Variants in ITGB8 observed in about 807,000 individuals in gnomAD.
The protein encoded by ITGB8 is integrin beta-8.
In ITGB8, 30 loss-of-function variants were observed where a neutral mutation model predicts 89.5. The observed-to-expected ratio is 0.34, with a 90% confidence interval of 0.25 to 0.45. ITGB8 has a LOEUF of 0.45. ITGB8 is among the 20% of genes least tolerant of loss of function. The probability of loss-of-function intolerance (pLI) is 1.00; values close to 1 mark genes in which losing one functional copy is unlikely to be tolerated. For synonymous variants in ITGB8, 335 were observed against 320.4 expected, an observed-to-expected ratio of 1.05 and a Z score of -0.49; for missense variants, 836 against 933.3, an observed-to-expected ratio of 0.90 and a Z score of 1.36.
Position 20,402,043 on chromosome 7 carries a change from A to G in ITGB8, c.1604A>G (p.Lys535Arg). 6.2e-7 allele frequency: 1 copy of G among 1,614,198 alleles called. No homozygotes were observed. The highest frequency in any genetic ancestry group is 8.5e-7 in the Non-Finnish European group (1 of 1,180,018). Residue 535 changes from lysine to arginine, a missense_variant, in exon 10 of 14, where the codon AAA becomes AGA. Physicochemically the swap from Lys to Arg is conservative, Grantham distance 26. Around this residue, in one of 5 missense-constraint regions of ITGB8, gnomAD observed 422 missense variants for 416.9 expected, o/e 1.01. Coordinates refer to ENST00000222573, the MANE Select transcript of ITGB8 (RefSeq NM_002214.3). The part of the protein sequence containing the change: ...VCVCGKCSCH[K>R]IKLGKVYGKY... Reference sequence around the variant, plus strand: ...GTTTGTGGGAAATGTTCATGTCACAAAATTAAGCTTGGAAAAGTGTATGGA... The same window carrying G: ...GTTTGTGGGAAATGTTCATGTCACAGAATTAAGCTTGGAAAAGTGTATGGA...
intron 1 of ITGB8, among the ~76,000 whole-genome samples, chr7:20,358,927 T>C (rs1785396863): frequency 6.6e-6 from 1 of 152,202 alleles, no homozygotes; most frequent in Admixed American, 6.5e-5. Flanking sequence ...ATGTACCCAA[T>C]GTTTAGCTCT....
Position 20,331,818 on chromosome 7 carries a change from G to C in ITGB8, c.12G>C (p.Ser4=), listed in dbSNP as rs777163524. Residue 4 remains serine, a synonymous_variant, in exon 1 of 14, where the codon TCG becomes TCC. Coordinates refer to ENST00000222573, the MANE Select transcript of ITGB8 (RefSeq NM_002214.3). ...GGCTGTTTTGCATTATGTGCGGCTC[G>C]GCCCTGGCTTTTTTTACCGCTGCAT... MCG[S]ALAFFTAAFV... The C allele has an allele frequency of 9.9e-6, 16 of 1,612,940 alleles. No homozygotes were observed. The South Asian group carries it at 1.6e-4, about 17-fold the overall frequency.
intron 1 of ITGB8, among the ~76,000 whole-genome samples, chr7:20,344,989 C>T (rs10950802): frequency 0.69 from 104,513 of 151,720 alleles, 37,404 homozygotes; most frequent in East Asian, 0.99. Flanking sequence ...ATTAAAGAAA[C>T]AGAATGTATA....
chr7:20,378,471 A>G (rs1034420554), intron 3 of ITGB8, among the ~76,000 whole-genome samples: 1 of 152,240 alleles, frequency 6.6e-6, no homozygotes, highest in African/African-American at 2.4e-5. Context: ...AATCTTACCA[A>G]CTAACTAGTG....
intron 2 of ITGB8, chr7:20,365,045 G>A (rs1382758669): frequency 6.6e-6 from 1 of 152,218 alleles, no homozygotes; most frequent in Non-Finnish European, 1.5e-5. Context: ...CATGTAACAT[G>A]TTAGCCATAG....
intron 1 of ITGB8, among the ~76,000 whole-genome samples, chr7:20,336,866 T>C (rs189562120): frequency 5.3e-5 from 8 of 152,282 alleles, no homozygotes; most frequent in Non-Finnish European, 8.8e-5. Context: ...ATAGATAACT[T>C]GAGGATAATA....
chr7:20,334,928 AT>A (rs1296075278), intron 1 of ITGB8, among the ~76,000 whole-genome samples: 1 of 152,146 alleles, frequency 6.6e-6, no homozygotes, highest in Non-Finnish European at 1.5e-5. Context: ...TAACCCTATG[AT>A]TTTTTAAAGT....
At position 20,412,467 on chromosome 7, in the gene ITGB8, A is replaced by G. The variant is rs1787796921; in HGVS notation, c.*2470A>G. ...ATGAACATTATGATATTTATGAACAATAAACAAATTTCCGTATGGAATGAA... is the reference window on the plus strand; with the variant it reads ...ATGAACATTATGATATTTATGAACAGTAAACAAATTTCCGTATGGAATGAA... On this transcript the variant is annotated 3_prime_UTR_variant, in exon 14 of 14. Coordinates refer to ENST00000222573, the MANE Select transcript of ITGB8 (RefSeq NM_002214.3). 1 of 152,606 alleles carries G rather than the reference A, an allele frequency of 6.6e-6. No individual in the cohort carries two copies. Among genetic ancestry groups the G allele is most frequent in the African/African-American group, 2.4e-5 (1 of 41,466 alleles). 9.5% of individuals were successfully genotyped at this position (152,606 alleles called of 1,614,324 possible).
At position 20,367,143 on chromosome 7, in the gene ITGB8, T is replaced by C; in HGVS notation, c.345T>C (p.Asn115=). 1 of 1,612,798 alleles carries C rather than the reference T, an allele frequency of 6.2e-7. No homozygotes were observed. Among genetic ancestry groups the C allele is most frequent in the South Asian group, 1.1e-5 (1 of 90,980 alleles). The change falls in exon 3 of 14, where the codon AAT becomes AAC. Residue 115 remains asparagine, a synonymous_variant. Transcript: ENST00000222573. ...HVIIPTENEI[N]TQVTPGEVSI... ...TAATACCCACTGAAAATGAAATTAA[T>C]ACCCAGGTGACACCAGGAGAAGTGT...
Position 20,352,029 on chromosome 7 carries a change from A to G in ITGB8, c.128-11608A>G, listed in dbSNP as rs190873428. On this transcript the variant is annotated intron_variant, in intron 1 of 13. Coordinates refer to ENST00000222573, the MANE Select transcript of ITGB8 (RefSeq NM_002214.3). ...GAAACCAGTGAATATTTTGGCTTTT[A>G]TAGAAAGGGAGTGTGCCTCATAAAC... Among the ~76,000 whole-genome samples, 82 of 152,354 alleles carry G rather than the reference A, an allele frequency of 5.4e-4. 1 individual carries two copies. The highest frequency in any genetic ancestry group is 1.8e-3 in the African/African-American group (76 of 41,584).
intron 2 of ITGB8, chr7:20,365,967 G>A (rs1785680045): frequency 1.3e-5 from 2 of 151,278 alleles, no homozygotes; most frequent in South Asian, 4.2e-4. Context: ...TAATTTTCAA[G>A]GCTAATCAAA....
chr7:20,390,917 T>G (rs1167092512), intron 6 of ITGB8, among the ~76,000 whole-genome samples: 1 of 152,018 alleles, frequency 6.6e-6, no homozygotes, highest in Non-Finnish European at 1.5e-5. Flanking sequence ...AACTATATCA[T>G]GTTATATATC....
chr7:20,379,491 T>C (rs1421560543), intron 4 of ITGB8, 194 bp downstream of exon 4: 2 of 247,926 alleles, frequency 8.1e-6, no homozygotes, highest in Admixed American at 5.4e-5. Flanking sequence ...CTTTTTATTT[T>C]ATATTTCTTT....
intron 12 of ITGB8, among the ~76,000 whole-genome samples, chr7:20,409,358 T>C (rs1787674295): frequency 6.6e-6 from 1 of 152,258 alleles, no homozygotes; most frequent in African/African-American, 2.4e-5. Flanking sequence ...TGCAATGGAA[T>C]AATGTGATTG....
rs548350140 is a variant in ITGB8, at chr7:20,406,273, G to T, written c.2023+102G>T. On this transcript the variant is annotated intron_variant, in intron 12 of 13. Transcript: ENST00000222573. ...ACCATGCTAAAGAAAGGACTGGGCC[G>T]GGTGTGGTGGCTCACACCTGTAATC... The T allele has an allele frequency of 9.2e-6, 7 of 758,882 alleles. No homozygotes were observed. In the Admixed American group the frequency reaches 1.5e-4, roughly 16 times the overall value. The allele number at this position is 758,882 out of a possible 1,614,324, so 47.0% of individuals were successfully genotyped here.
intron 6 of ITGB8, among the ~76,000 whole-genome samples, chr7:20,388,641 C>CT (rs149074826): frequency 8.0e-5 from 12 of 150,396 alleles, no homozygotes; most frequent in Admixed American, 1.3e-4. Flanking sequence ...CTTTTTTTTT[C>CT]TTTTTTTTAT....
intron 1 of ITGB8, among the ~76,000 whole-genome samples, chr7:20,344,715 C>T (rs1030354532): frequency 4.6e-5 from 7 of 152,046 alleles, no homozygotes; most frequent in African/African-American, 9.7e-5. Flanking sequence ...GAGCTGAGTT[C>T]GAGAGTTGAC....
At chr7:20,383,915 A>G (rs1481808439) in intron 6 of ITGB8, among the ~76,000 whole-genome samples, 1 of 152,160 alleles carries the variant, frequency 6.6e-6, no homozygotes, top group African/African-American at 2.4e-5. Context: ...AACACCTTAG[A>G]AGGATACTTT....
chr7:20,372,860 A>C (rs1288806666), intron 3 of ITGB8, among the ~76,000 whole-genome samples: 1 of 152,192 alleles, frequency 6.6e-6, no homozygotes, highest in Non-Finnish European at 1.5e-5. Context: ...TTATTAAATT[A>C]AACTGAAAAT....
Sources: allele counts gnomAD v4.1 joint callset (sites outside exome capture counted in the v4.1 genomes callset), GRCh38; gene constraint gnomAD v4.1.1; regional missense constraint gnomAD v4.1.1; transcripts MANE v1.5; gene names NCBI Gene and HGNC (gene_info 2026-07-23, HGNC 2026-07-21).